Variants in PAX5 observed in about 807,000 individuals in gnomAD.
The protein encoded by PAX5 is paired box 5, also known as paired box protein Pax-5.
PAX5 carries 9 observed loss-of-function variants against 43.7 expected under a neutral mutation model. The observed-to-expected ratio is 0.21, with a 90% CI of 0.12 to 0.36. The LOEUF is 0.36. Ranked by LOEUF, PAX5 falls within the 10% of genes least tolerant of loss-of-function variation. The pLI is 1.00. For synonymous variants in PAX5, 228 were observed against 214.3 expected (o/e 1.06, Z -0.56); for missense variants, 383 against 532.7 (o/e 0.72, Z 2.77).
chr9:36,871,392 G>A (rs1172366101), intron 8 of PAX5, among the ~76,000 whole-genome samples: 1 of 152,190 alleles, frequency 6.6e-6, no homozygotes, highest in East Asian at 1.9e-4. Flanking sequence ...ACTTTGGGCT[G>A]TGTACGTCCA....
chr9:36,836,660 AG>A lies in PAX5; in HGVS notation c.*3899del, dbSNP rs1252458016. The A allele has an allele frequency of 4.3e-6, 1 of 232,740 alleles. No homozygotes were observed. The highest frequency in any genetic ancestry group is 6.1e-5 in the East Asian group (1 of 16,500). The allele number at this position is 232,740 out of a possible 1,614,324, so 14.4% of individuals were successfully genotyped here. ...CGTTCACCCAGGAAGCAGTTCATTC[AG>A]GGGACTTGAGATTGTGATCTGTGTT... is the stretch of plus-strand genomic sequence containing the variant. On this transcript the variant is annotated 3_prime_UTR_variant, in exon 10 of 10. Coordinates refer to ENST00000358127, the MANE Select transcript of PAX5 (RefSeq NM_016734.3).
chr9:36,994,417 C>T (rs75784756), intron 5 of PAX5, among the ~76,000 whole-genome samples: 12,811 of 152,252 alleles, frequency 0.084, 605 homozygotes, highest in South Asian at 0.15. Context: ...GCTGCTTGGC[C>T]ACTGCCCTAA....
intron 8 of PAX5, among the ~76,000 whole-genome samples, chr9:36,851,860 G>A (rs1823189959): frequency 6.6e-6 from 1 of 152,134 alleles, no homozygotes; most frequent in Non-Finnish European, 1.5e-5. Context: ...CCCCTTCTAG[G>A]CCATGCTCCA....
chr9:36,881,795 C>T (rs533108924), intron 8 of PAX5, among the ~76,000 whole-genome samples: 7 of 152,160 alleles, frequency 4.6e-5, no homozygotes, highest in African/African-American at 1.7e-4. Context: ...AAAGACCCTC[C>T]CCTCGCCCCC....
intron 1 of PAX5, among the ~76,000 whole-genome samples, chr9:37,031,968 G>T (rs994164864): frequency 6.6e-6 from 1 of 152,210 alleles, no homozygotes; most frequent in African/African-American, 2.4e-5. Context: ...TTGAGCACCA[G>T]CTTGGACAGC....
Position 36,950,458 on chromosome 9 carries a change from C to A in PAX5, c.780+16091G>T, listed in dbSNP as rs200525198. On this transcript the variant is annotated intron_variant, in intron 6 of 9. Transcript: ENST00000358127. ...CCTGGTGGTTACCTCTTCCAAGCCC[C>A]AATCTGACACTTGAAACCCCTCCTC... Among the ~76,000 whole-genome samples, 36 of 152,290 alleles carry A rather than the reference C, an allele frequency of 2.4e-4. No individual in the cohort carries two copies. The East Asian group carries it at 4.6e-3, about 20-fold the overall frequency.
intron 8 of PAX5, among the ~76,000 whole-genome samples, chr9:36,858,763 G>T (rs566790931): frequency 6.6e-6 from 1 of 152,092 alleles, no homozygotes; most frequent in African/African-American, 2.4e-5. Flanking sequence ...TCAGCCCAAA[G>T]CTGACTTACT....
intron 5 of PAX5, among the ~76,000 whole-genome samples, chr9:36,993,886 C>T (rs1443372942): frequency 6.6e-6 from 1 of 152,194 alleles, no homozygotes; most frequent in Non-Finnish European, 1.5e-5. Flanking sequence ...TCCCATACCC[C>T]CAGGGCTCTC....
intron 1 of PAX5, among the ~76,000 whole-genome samples, chr9:37,033,490 T>C (rs1841197517): frequency 6.6e-6 from 1 of 152,050 alleles, no homozygotes; most frequent in Non-Finnish European, 1.5e-5. Context: ...CTCAGATATT[T>C]CCGAATTACA....
chr9:36,845,615 A>T lies in PAX5; in HGVS notation c.1099+1228T>A, dbSNP rs1426353752. Among the ~76,000 whole-genome samples, 3 of 152,320 alleles carry T rather than the reference A, an allele frequency of 2.0e-5. No homozygotes were observed. The East Asian group carries it at 5.8e-4, about 29-fold the overall frequency. On this transcript the variant is annotated intron_variant, in intron 9 of 9. Transcript: ENST00000358127. ...TTGTTTCTTATTGAATCCCCAAGTCATGCATGACACACCAAAATCCTTTGG... is the reference window on the plus strand; with the variant it reads ...TTGTTTCTTATTGAATCCCCAAGTCTTGCATGACACACCAAAATCCTTTGG...
chr9:36,838,102 G>C lies in PAX5; in HGVS notation c.*2458C>G. The C allele has an allele frequency of 4.3e-6, 1 of 233,346 alleles. No homozygotes were observed. The highest frequency in any genetic ancestry group is 8.5e-6 in the Non-Finnish European group (1 of 118,066). The allele number at this position is 233,346 out of a possible 1,614,324, so 14.5% of individuals were successfully genotyped here. On this transcript the variant is annotated 3_prime_UTR_variant, in exon 10 of 10. Coordinates refer to ENST00000358127, the MANE Select transcript of PAX5 (RefSeq NM_016734.3). ...ATACCTTCTCCTACCTTACCTGACA[G>C]GTGGAAGCTGCAGCCAGCTCACCCT...
At chr9:36,980,585 C>T (rs1835827400) in intron 5 of PAX5, among the ~76,000 whole-genome samples, 1 of 152,090 alleles carries the variant, frequency 6.6e-6, no homozygotes, top group Non-Finnish European at 1.5e-5. Context: ...GATATCAATA[C>T]ATTCACAATT....
At position 36,836,093 on chromosome 9, in the gene PAX5, C is replaced by T. The variant is rs1457469570; in HGVS notation, c.*4467G>A. 1.7e-5 allele frequency: 4 copies of T among 233,380 alleles called. No homozygotes were observed. The highest frequency in any genetic ancestry group is 2.5e-5 in the Non-Finnish European group (3 of 118,246). The allele number at this position is 233,380 out of a possible 1,614,324, so 14.5% of individuals were successfully genotyped here. A position where few individuals can be genotyped will look rare whatever the true frequency, so the allele number is the denominator to read the frequency against. ...CCAAGGCTGGGCAGTCGTTCTGGAG[C>T]GTGACTTCTGGTAAATGGATTTCAC... On this transcript the variant is annotated 3_prime_UTR_variant, in exon 10 of 10. Coordinates refer to ENST00000358127, the MANE Select transcript of PAX5 (RefSeq NM_016734.3).
At chr9:36,880,329 C>T (rs1826295753) in intron 8 of PAX5, among the ~76,000 whole-genome samples, 1 of 152,248 alleles carries the variant, frequency 6.6e-6, no homozygotes, top group South Asian at 2.1e-4. Context: ...GGGCCTCAGG[C>T]CCAGGGATGC....
intron 9 of PAX5, among the ~76,000 whole-genome samples, chr9:36,845,430 C>T (rs566064733): frequency 2.0e-4 from 30 of 152,272 alleles, no homozygotes; most frequent in Admixed American, 1.6e-3. Context: ...TATCTTGGTT[C>T]GATACTTAGA....
chr9:36,885,194 G>A (rs999732482), intron 7 of PAX5, among the ~76,000 whole-genome samples: 1 of 152,178 alleles, frequency 6.6e-6, no homozygotes, highest in Non-Finnish European at 1.5e-5. Context: ...CTGTTGAGCA[G>A]CATTATTCCA....
intron 5 of PAX5, among the ~76,000 whole-genome samples, chr9:36,989,370 C>CTA (rs10626559): frequency 0.48 from 72,564 of 151,808 alleles, 17,713 homozygotes; most frequent in East Asian, 0.67. Context: ...AACACTGCCA[C>CTA]TATTGAGCTG....
chr9:36,893,556 T>C (rs1322727003), intron 7 of PAX5: 1 of 154,358 alleles, frequency 6.5e-6, no homozygotes, highest in Non-Finnish European at 1.5e-5. Flanking sequence ...TGCACATAGT[T>C]CCGACGAGCT....
intron 7 of PAX5, among the ~76,000 whole-genome samples, chr9:36,910,603 G>C (rs1488877302): frequency 6.6e-6 from 1 of 152,216 alleles, no homozygotes; most frequent in East Asian, 1.9e-4. Context: ...GCAGTGCCTG[G>C]TCTATGAGTT....
Sources: allele counts gnomAD v4.1 joint callset (sites outside exome capture counted in the v4.1 genomes callset), GRCh38; gene constraint gnomAD v4.1.1; transcripts MANE v1.5; gene names NCBI Gene and HGNC (gene_info 2026-07-23, HGNC 2026-07-21).